Variants in TBC1D22A observed in about 807,000 individuals in gnomAD.
TBC1D22A encodes the protein putative GTPase activator.
Under a neutral mutation model 60.2 loss-of-function variants are expected in TBC1D22A, and 38 were observed. The observed-to-expected ratio is 0.63, with a 90% CI of 0.49 to 0.83. The LOEUF is 0.83. Among genes scored for constraint, TBC1D22A ranks in the 40% least tolerant of loss-of-function variants. The pLI, the probability that TBC1D22A is intolerant of heterozygous loss-of-function variation, is 0.00. For synonymous variants in TBC1D22A, 302 were observed against 281.7 expected (o/e 1.07, Z -0.72); for missense variants, 628 against 701.0 (o/e 0.90, Z 1.18).
chr22:47,146,326 T>A (rs777634082), intron 12 of TBC1D22A, among the ~76,000 whole-genome samples: 3 of 152,326 alleles, frequency 2.0e-5, no homozygotes, highest in East Asian at 1.9e-4. Context: ...TGATGAACTC[T>A]CTCTCTCCCC....
At chr22:47,172,037 A>G (rs1401817183) in intron 12 of TBC1D22A, among the ~76,000 whole-genome samples, 1 of 93,740 alleles carries the variant, frequency 1.1e-5, no homozygotes, top group East Asian at 1.4e-3. Context: ...CAGTGAGCCT[A>G]CCCAGCACTC....
At position 46,871,171 on chromosome 22, in the gene TBC1D22A, G is replaced by C. The variant is rs79351786; in HGVS notation, c.638-7482G>C. On this transcript the variant is annotated intron_variant, in intron 4 of 12. Transcript: ENST00000337137. ...TGAAAGGATCAATTCCTTAAGTAGA[G>C]AGATGAGTCCTAAATGTGTATGTAC... 1.2e-3 allele frequency among the ~76,000 whole-genome samples: 185 copies of C among 152,328 alleles called. 1 individual carries two copies. The highest frequency in any genetic ancestry group is 4.3e-3 in the African/African-American group (180 of 41,574).
chr22:47,070,224 C>G (rs891513900), intron 11 of TBC1D22A, among the ~76,000 whole-genome samples: 1 of 148,694 alleles, frequency 6.7e-6, no homozygotes, highest in Non-Finnish European at 1.5e-5. Flanking sequence ...TTGGTTGGAG[C>G]GGAGCTGACC....
intron 5 of TBC1D22A, among the ~76,000 whole-genome samples, chr22:46,886,618 T>C (rs2147560061): frequency 6.6e-6 from 1 of 152,344 alleles, no homozygotes; most frequent in East Asian, 1.9e-4. Flanking sequence ...TGTTAGCTGA[T>C]GTGTGTTTGA....
intron 8 of TBC1D22A, among the ~76,000 whole-genome samples, chr22:46,917,464 C>T (rs1395796814): frequency 1.3e-5 from 2 of 152,022 alleles, no homozygotes; most frequent in Non-Finnish European, 2.9e-5. Flanking sequence ...TAGAGGGGAG[C>T]GTGAACGAGA....
intron 11 of TBC1D22A, among the ~76,000 whole-genome samples, chr22:47,059,739 C>T (rs1183821722): frequency 6.6e-6 from 1 of 152,172 alleles, no homozygotes; most frequent in Non-Finnish European, 1.5e-5. Flanking sequence ...CCAGCAGCAT[C>T]CCTGCGCTTT....
At chr22:47,029,283 C>T (rs560625299) in intron 10 of TBC1D22A, among the ~76,000 whole-genome samples, 6 of 150,778 alleles carry the variant, frequency 4.0e-5, no homozygotes, top group Non-Finnish European at 7.4e-5. Context: ...AGGGACACAG[C>T]GCTTCCATAC....
intron 12 of TBC1D22A, among the ~76,000 whole-genome samples, chr22:47,135,301 C>T (rs1038545553): frequency 9.2e-5 from 14 of 152,184 alleles, no homozygotes; most frequent in African/African-American, 3.4e-4. Context: ...TTTCCTTCTT[C>T]GCTGATTCCT....
At chr22:47,145,499 C>G (rs1248649152) in intron 12 of TBC1D22A, among the ~76,000 whole-genome samples, 1 of 152,122 alleles carries the variant, frequency 6.6e-6, no homozygotes, top group East Asian at 1.9e-4. Context: ...GGGTCACTAG[C>G]CTGAAAGATT....
intron 12 of TBC1D22A, among the ~76,000 whole-genome samples, chr22:47,125,867 C>T (rs748402473): frequency 7.2e-5 from 11 of 152,216 alleles, no homozygotes; most frequent in Non-Finnish European, 1.3e-4. Flanking sequence ...ATCGGGTGTC[C>T]CAGGATGGTC....
chr22:47,115,211 C>T (rs2065994412), intron 12 of TBC1D22A, among the ~76,000 whole-genome samples: 1 of 151,912 alleles, frequency 6.6e-6, no homozygotes, highest in African/African-American at 2.4e-5. Context: ...CACTTTGCCA[C>T]CTCCCCTGCC....
Position 46,912,070 on chromosome 22 carries a change from T to G in TBC1D22A, c.901-4T>G. On this transcript the variant is annotated splice_region_variant and splice_polypyrimidine_tract_variant and intron_variant, in intron 7 of 12. Transcript: ENST00000337137. ...GCTTTACCACCTGTTCCATTTTCTT[T>G]CAGATTTTTGAAAGGATCTTGTTCA... 6.2e-7 allele frequency: 1 copy of G among 1,609,126 alleles called. No homozygotes were observed. The highest frequency in any genetic ancestry group is 8.5e-7 in the Non-Finnish European group (1 of 1,177,918).
Position 46,762,760 on chromosome 22 carries a change from C to T in TBC1D22A, c.-27C>T, listed in dbSNP as rs2083142357. On this transcript the variant is annotated 5_prime_UTR_variant, in exon 1 of 13. Transcript: ENST00000337137. ...CCGGGTGCACTCGGGGTGTCTGGGC[C>T]GCGGGTCTGAGGGATGAGGAGGGGC... The T allele has an allele frequency of 7.0e-7, 1 of 1,418,692 alleles. No individual in the cohort carries two copies. The highest frequency in any genetic ancestry group is 9.2e-7 in the Non-Finnish European group (1 of 1,090,208). The allele number at this position is 1,418,692 out of a possible 1,614,324, so 87.9% of individuals were successfully genotyped here. A position where few individuals can be genotyped will look rare whatever the true frequency, so the allele number is the denominator to read the frequency against.
chr22:47,085,705 G>C (rs1469009198), intron 11 of TBC1D22A, among the ~76,000 whole-genome samples: 1 of 152,036 alleles, frequency 6.6e-6, no homozygotes, highest in Non-Finnish European at 1.5e-5. Context: ...AAATCTGATC[G>C]AAAGATTACA....
At chr22:46,830,182 A>G (rs964448417) in intron 4 of TBC1D22A, among the ~76,000 whole-genome samples, 6 of 152,216 alleles carry the variant, frequency 3.9e-5, no homozygotes, top group South Asian at 2.1e-4. Context: ...GCGGGAATGC[A>G]TGGGGACGCT....
intron 10 of TBC1D22A, among the ~76,000 whole-genome samples, chr22:47,007,806 T>G (rs1024037315): frequency 2.6e-5 from 4 of 152,188 alleles, no homozygotes; most frequent in African/African-American, 7.2e-5. Flanking sequence ...CAATCGCATT[T>G]AATCTTAATC....
chr22:46,774,012 A>C, intron 1 of TBC1D22A: 10 of 985,540 alleles, frequency 1.0e-5, no homozygotes, highest in Non-Finnish European at 1.1e-5. Flanking sequence ...ATTATTACAG[A>C]GAAAGCTGAC....
chr22:46,790,562 A>C (rs1174003688), intron 1 of TBC1D22A, among the ~76,000 whole-genome samples: 2 of 152,174 alleles, frequency 1.3e-5, no homozygotes, highest in Non-Finnish European at 2.9e-5. Context: ...TTTACAAAGC[A>C]GTGAGAAAGT....
At chr22:47,005,917 C>T (rs1453440144) in intron 10 of TBC1D22A, among the ~76,000 whole-genome samples, 1 of 151,046 alleles carries the variant, frequency 6.6e-6, no homozygotes, top group Non-Finnish European at 1.5e-5. Flanking sequence ...GACACACACC[C>T]ATATGCACAC....
Sources: gnomAD v4.1 joint callset for allele counts (sites outside exome capture counted in the v4.1 genomes callset) on GRCh38, gnomAD v4.1.1 for gene constraint, MANE v1.5 for transcripts, NCBI Gene and HGNC (gene_info 2026-07-23, HGNC 2026-07-21) for gene names.